MAPKAP1: variants seen among roughly 807,000 people sequenced by gnomAD.
MAPKAP1 encodes target of rapamycin complex 2 subunit MAPKAP1.
Under a neutral mutation model 65.7 loss-of-function variants are expected in MAPKAP1, and 20 were observed. The ratio of observed to expected loss-of-function variants is 0.30; its 90% CI spans 0.21 to 0.44. The LOEUF (loss-of-function observed/expected upper bound fraction) is 0.44, where lower values mean the gene tolerates loss of function less well. Among genes scored for constraint, MAPKAP1 ranks in the 20% least tolerant of loss-of-function variants. The pLI is 1.00. For synonymous variants in MAPKAP1, 222 were observed against 244.3 expected (o/e 0.91, Z 0.85); for missense variants, 423 against 648.0 (o/e 0.65, Z 3.77).
Position 125,551,901 on chromosome 9 carries a change from T to TCCTA in MAPKAP1, c.848+7728_848+7731dup, listed in dbSNP as rs1290660416. 2.6e-5 allele frequency among the ~76,000 whole-genome samples: 4 copies of TCCTA among 152,314 alleles called. No homozygotes were observed. The East Asian group carries it at 7.7e-4, about 29-fold the overall frequency. Reference sequence around the variant, plus strand: ...CCACTCAAGATCTCATTCTCCCTTGTCCTACTTTGTCTAAAGGAACAGTAG... The same window carrying TCCTA: ...CCACTCAAGATCTCATTCTCCCTTGTCCTACCTACTTTGTCTAAAGGAACAGTAG... On this transcript the variant is annotated intron_variant, in intron 6 of 11. Coordinates refer to ENST00000265960, the MANE Select transcript of MAPKAP1 (RefSeq NM_001006617.3).
intron 5 of MAPKAP1, among the ~76,000 whole-genome samples, chr9:125,582,658 C>T (rs1426153969): frequency 6.6e-6 from 1 of 152,194 alleles, no homozygotes; most frequent in Non-Finnish European, 1.5e-5. Flanking sequence ...ACCCCAGAAA[C>T]ACAACTTTAA....
intron 6 of MAPKAP1, among the ~76,000 whole-genome samples, chr9:125,554,660 G>A (rs1006681853): frequency 1.3e-5 from 2 of 152,006 alleles, no homozygotes; most frequent in Non-Finnish European, 2.9e-5. Flanking sequence ...GTTGGGCATG[G>A]TGACACATGC....
chr9:125,693,540 C>CAT (rs71374292), intron 1 of MAPKAP1, among the ~76,000 whole-genome samples: 85,038 of 147,554 alleles, frequency 0.58, 25,971 homozygotes, highest in African/African-American at 0.79. Context: ...TATACACACA[C>CAT]ATATATACAT....
intron 5 of MAPKAP1, among the ~76,000 whole-genome samples, chr9:125,564,601 T>C (rs1057429389): frequency 2.0e-5 from 3 of 152,198 alleles, no homozygotes; most frequent in Admixed American, 6.5e-5. Context: ...CGTCCCCTTG[T>C]TCCTAAGTGG....
chr9:125,597,372 G>A lies in MAPKAP1; in HGVS notation c.499-11645C>T, dbSNP rs371840401. On this transcript the variant is annotated intron_variant, in intron 4 of 11. Coordinates refer to ENST00000265960, the MANE Select transcript of MAPKAP1 (RefSeq NM_001006617.3). ...GAGGTTCACTTGAGCCTGGGAGGTT[G>A]AGGCTGCAGTGAGCTATGATTGAGC... 4.8e-3 allele frequency among the ~76,000 whole-genome samples: 730 copies of A among 151,326 alleles called. 4 individuals are homozygous for A. The highest frequency in any genetic ancestry group is 0.017 in the African/African-American group (690 of 41,360).
intron 4 of MAPKAP1, among the ~76,000 whole-genome samples, chr9:125,619,893 A>C (rs1832848477): frequency 6.6e-6 from 1 of 152,208 alleles, no homozygotes; most frequent in Non-Finnish European, 1.5e-5. Context: ...TTTTAAAAAA[A>C]TCTTAGAAAA....
At chr9:125,580,834 A>C (rs957031918) in intron 5 of MAPKAP1, among the ~76,000 whole-genome samples, 1 of 152,046 alleles carries the variant, frequency 6.6e-6, no homozygotes, top group African/African-American at 2.4e-5. Context: ...CATGACAGAG[A>C]AGCTCTTTTT....
Position 125,672,658 on chromosome 9 carries a change from T to C in MAPKAP1, c.-69-15A>G. The C allele has an allele frequency of 6.9e-7, 1 of 1,440,756 alleles. No homozygotes were observed. The highest frequency in any genetic ancestry group is 9.6e-7 in the Non-Finnish European group (1 of 1,045,590). The allele number at this position is 1,440,756 out of a possible 1,614,324, so 89.2% of individuals were successfully genotyped here. ...AGCTCACCTACCTAGAAACATGATG[T>C]ACACAGCAAATATTTAAGAATAAGG... On this transcript the variant is annotated splice_polypyrimidine_tract_variant and intron_variant, in intron 1 of 11. Coordinates refer to ENST00000265960, the MANE Select transcript of MAPKAP1 (RefSeq NM_001006617.3).
At chr9:125,585,434 C>G in intron 5 of MAPKAP1, 121 bp downstream of exon 5, 1 of 1,024,568 alleles carries the variant, frequency 9.8e-7, no homozygotes. Flanking sequence ...GCACCCAGAG[C>G]TGGATCAGTG....
chr9:125,622,449 A>G (rs546667605), intron 4 of MAPKAP1, among the ~76,000 whole-genome samples: 17 of 152,024 alleles, frequency 1.1e-4, no homozygotes, highest in Middle Eastern at 3.4e-3. Flanking sequence ...TTTATATTTT[A>G]TTTTATTTTT....
chr9:125,501,097 A>G (rs1469965857), intron 8 of MAPKAP1, among the ~76,000 whole-genome samples: 1 of 152,222 alleles, frequency 6.6e-6, no homozygotes, highest in Non-Finnish European at 1.5e-5. Context: ...ATCTTTATCT[A>G]TGTAGACTTG....
chr9:125,504,460 G>T (rs1829079423), intron 8 of MAPKAP1, among the ~76,000 whole-genome samples: 1 of 152,044 alleles, frequency 6.6e-6, no homozygotes, highest in African/African-American at 2.4e-5. Flanking sequence ...GGCGGAAGAG[G>T]CTGTCTGGGG....
intron 1 of MAPKAP1, among the ~76,000 whole-genome samples, chr9:125,675,469 C>T (rs1248572664): frequency 6.6e-6 from 1 of 152,126 alleles, no homozygotes; most frequent in East Asian, 1.9e-4. Flanking sequence ...CCAGCTTTAT[C>T]CTCCCAGAAC....
intron 4 of MAPKAP1, chr9:125,596,447 A>G (rs1415421602): frequency 3.9e-6 from 3 of 768,154 alleles, no homozygotes; most frequent in Non-Finnish European, 7.0e-6. Context: ...GGAAGCTACA[A>G]TGATTCTGGC....
At chr9:125,468,301 T>C (rs900991134) in intron 9 of MAPKAP1, among the ~76,000 whole-genome samples, 192 bp from the exon 10 acceptor site, 5 of 152,176 alleles carry the variant, frequency 3.3e-5, no homozygotes, top group Admixed American at 1.3e-4. Context: ...ACAAGTTGCA[T>C]AGTCTGGTTT....
chr9:125,498,097 C>A lies in MAPKAP1; in HGVS notation c.1066+8213G>T, dbSNP rs191629399. Among the ~76,000 whole-genome samples the A allele has an allele frequency of 4.7e-4, 72 of 152,300 alleles. 2 individuals carry two copies. The highest frequency in any genetic ancestry group is 1.6e-3 in the African/African-American group (67 of 41,570). ...ATTCCAGCTTCTAGCAGGCATTTGG[C>A]TGAAGGATGTAGTAGATTATCCGAC... On this transcript the variant is annotated intron_variant, in intron 8 of 11. Coordinates refer to ENST00000265960, the MANE Select transcript of MAPKAP1 (RefSeq NM_001006617.3).
intron 4 of MAPKAP1, among the ~76,000 whole-genome samples, chr9:125,602,772 C>T (rs1168586442): frequency 6.6e-6 from 1 of 152,200 alleles, no homozygotes; most frequent in Admixed American, 6.5e-5. Flanking sequence ...GAGGATCGCT[C>T]ATTCCCTCTT....
chr9:125,526,206 T>C (rs1487491594), intron 7 of MAPKAP1, among the ~76,000 whole-genome samples: 3 of 152,224 alleles, frequency 2.0e-5, no homozygotes, highest in Non-Finnish European at 2.9e-5. Context: ...GCTGGCTCCA[T>C]GGACTTTCCT....
At chr9:125,680,755 T>C (rs1456346892) in intron 1 of MAPKAP1, among the ~76,000 whole-genome samples, 2 of 152,212 alleles carry the variant, frequency 1.3e-5, no homozygotes, top group Non-Finnish European at 2.9e-5. Flanking sequence ...TCCAGAAGTT[T>C]ACTTACAAAC....
Sources: allele counts gnomAD v4.1 joint callset (sites outside exome capture counted in the v4.1 genomes callset), GRCh38; gene constraint gnomAD v4.1.1; transcripts MANE v1.5; gene names NCBI Gene and HGNC (gene_info 2026-07-23, HGNC 2026-07-21).